Variants in GOLGA8B observed in about 807,000 individuals in gnomAD.
The protein encoded by GOLGA8B is golgin A8 family member B, also known as golgin subfamily A member 8B.
GOLGA8B carries 1 observed loss-of-function variant against 15.6 expected under a neutral mutation model. That is an observed-to-expected ratio of 0.06 (90% confidence interval 0.02 to 0.30). The LOEUF (loss-of-function observed/expected upper bound fraction) is 0.30. Ranked by LOEUF, GOLGA8B falls within the 10% of genes least tolerant of loss-of-function variation. GOLGA8B has a pLI of 1.00. For synonymous variants in GOLGA8B, 9 were observed against 80.3 expected (o/e 0.11, Z 4.75); for missense variants, 17 against 201.3 (o/e 0.08, Z 5.54).
intron 4 of GOLGA8B, among the ~76,000 whole-genome samples, chr15:34,549,127 C>T (rs1234439992): frequency 4.6e-5 from 2 of 43,284 alleles, no homozygotes; most frequent in Non-Finnish European, 9.4e-5. Context: ...AAAAATCAAG[C>T]AAGAGTTCAC....
intron 1 of GOLGA8B, among the ~76,000 whole-genome samples, chr15:34,572,149 C>G (rs1026658905): frequency 3.9e-5 from 6 of 152,224 alleles, no homozygotes; most frequent in African/African-American, 1.4e-4. Flanking sequence ...AAAGACTGAT[C>G]ATGTCCAGAG....
chr15:34,554,443 T>C (rs1261686368), intron 1 of GOLGA8B, among the ~76,000 whole-genome samples: 3 of 128,716 alleles, frequency 2.3e-5, no homozygotes, highest in East Asian at 5.1e-4. Flanking sequence ...CCACACACAT[T>C]ACACACACTG....
At chr15:34,580,407 C>T (rs1889197211) in intron 1 of GOLGA8B, among the ~76,000 whole-genome samples, 1 of 152,194 alleles carries the variant, frequency 6.6e-6, no homozygotes, top group Admixed American at 6.5e-5. Context: ...GGCCAACTTG[C>T]ACAGCCCAAC....
intron 1 of GOLGA8B, among the ~76,000 whole-genome samples, chr15:34,573,536 CAAAAAAAA>C (rs60984933): frequency 0.27 from 23,498 of 86,840 alleles, 2,186 homozygotes; most frequent in South Asian, 0.42. Context: ...GACTCCGTCT[CAAAAAAAA>C]AAAAAAAAAA....
At chr15:34,564,355 T>TAAAAA (rs58970262) in intron 1 of GOLGA8B, among the ~76,000 whole-genome samples, 2 of 105,486 alleles carry the variant, frequency 1.9e-5, no homozygotes, top group Non-Finnish European at 4.0e-5. Context: ...TGTAGATTCT[T>TAAAAA]AAAAAAAAAA....
rs969513662 is a variant in GOLGA8B, at chr15:34,566,688, C to T, written c.-1122-12732G>A. 1.5e-4 allele frequency among the ~76,000 whole-genome samples: 22 copies of T among 144,892 alleles called. 1 individual carries two copies. Among genetic ancestry groups the T allele is most frequent in the African/African-American group, 4.3e-4 (17 of 39,740 alleles). On this transcript the variant is annotated intron_variant, in intron 1 of 23. Coordinates refer to ENST00000683415, the MANE Select transcript of GOLGA8B (RefSeq NM_001023567.5). ...AGCACAAGCAGCTCAGGGCCAGCGG[C>T]GCAGGAAAACCCCAGGGTCCAGCCA...
intron 1 of GOLGA8B, chr15:34,566,460 G>A (rs1298480817): frequency 7.0e-6 from 1 of 143,056 alleles, no homozygotes; most frequent in Non-Finnish European, 1.6e-5. Flanking sequence ...TTCCTCCATC[G>A]GGTAACCACG....
chr15:34,526,935 G>A lies in GOLGA8B; in HGVS notation c.*697C>T, dbSNP rs1248707737. The stretch of plus-strand genomic sequence containing the variant: ...AGTACAGTGCTCATTCTTGGCACCG[G>A]AACAGATGAAACACACTGTATCCTG... On this transcript the variant is annotated 3_prime_UTR_variant, in exon 24 of 24. Transcript: ENST00000683415. The A allele has an allele frequency of 1.8e-4, 27 of 153,556 alleles. 1 individual carries two copies. The highest frequency in any genetic ancestry group is 6.7e-4 in the African/African-American group (27 of 40,328). 9.5% of individuals were successfully genotyped at this position (153,556 alleles called of 1,614,324 possible).
At chr15:34,579,922 A>T (rs1280114003) in intron 1 of GOLGA8B, among the ~76,000 whole-genome samples, 1 of 152,224 alleles carries the variant, frequency 6.6e-6, no homozygotes, top group Non-Finnish European at 1.5e-5. Flanking sequence ...CAAGTACATA[A>T]ATAACACACT....
chr15:34,578,212 T>C (rs1889134643), intron 1 of GOLGA8B, among the ~76,000 whole-genome samples: 1 of 152,332 alleles, frequency 6.6e-6, no homozygotes, highest in African/African-American at 2.4e-5. Flanking sequence ...TAAGAATCCA[T>C]GTTGGCTTCA....
chr15:34,550,931 G>A (rs1339663473), intron 4 of GOLGA8B, among the ~76,000 whole-genome samples: 1 of 95,736 alleles, frequency 1.0e-5, no homozygotes, highest in Non-Finnish European at 2.1e-5. Context: ...GGAGATCAAG[G>A]CTTCAGTGAA....
At position 34,526,708 on chromosome 15, in the gene GOLGA8B, G is replaced by T. The variant is rs978600833; in HGVS notation, c.*924C>A. On this transcript the variant is annotated 3_prime_UTR_variant, in exon 24 of 24. Coordinates refer to ENST00000683415, the MANE Select transcript of GOLGA8B (RefSeq NM_001023567.5). The stretch of plus-strand genomic sequence containing the variant: ...GTCATGTGATTAAAACAGGGAACAC[G>T]AACTCTGACTTTAAAATGTATTGTA... The T allele has an allele frequency of 6.7e-6, 1 of 149,396 alleles. No individual in the cohort carries two copies. The highest frequency in any genetic ancestry group is 2.5e-5 in the African/African-American group (1 of 40,456). 9.3% of individuals were successfully genotyped at this position (149,396 alleles called of 1,614,324 possible).
At chr15:34,559,113 G>A (rs1342684958) in intron 1 of GOLGA8B, among the ~76,000 whole-genome samples, 1 of 140,292 alleles carries the variant, frequency 7.1e-6, no homozygotes, top group Non-Finnish European at 1.5e-5. Context: ...TTCTGACACA[G>A]GCTACAATAT....
Position 34,571,614 on chromosome 15 carries a change from AT to A in GOLGA8B, c.-1123+11901del, listed in dbSNP as rs1198498798. 1.4e-4 allele frequency among the ~76,000 whole-genome samples: 17 copies of A among 124,140 alleles called. No homozygotes were observed. In the East Asian group the frequency reaches 2.5e-3, roughly 19 times the overall value. 81.4% of individuals were successfully genotyped at this position (124,140 alleles called of 152,430 possible). On this transcript the variant is annotated intron_variant, in intron 1 of 23. Coordinates refer to ENST00000683415, the MANE Select transcript of GOLGA8B (RefSeq NM_001023567.5). Reference sequence around the variant, plus strand: ...GACTAGGAAATTAGGTTGGAATCGTATAAAAAAAAAAAAAACTACATCCACA... The same window carrying A: ...GACTAGGAAATTAGGTTGGAATCGTAAAAAAAAAAAAAAACTACATCCACA...
At chr15:34,563,870 T>C (rs1294482480) in intron 1 of GOLGA8B, among the ~76,000 whole-genome samples, 1 of 143,928 alleles carries the variant, frequency 6.9e-6, no homozygotes, top group Non-Finnish European at 1.6e-5. Flanking sequence ...CATATGGTAG[T>C]GTTTTATTTT....
At chr15:34,576,787 C>T (rs1889094522) in intron 1 of GOLGA8B, among the ~76,000 whole-genome samples, 1 of 152,202 alleles carries the variant, frequency 6.6e-6, no homozygotes, top group Admixed American at 6.5e-5. Context: ...ACTCAGCTGA[C>T]AGCTTTCACG....
rs531087270 is a variant in GOLGA8B, at chr15:34,525,712, A to C, written c.*1920T>G. 1.3e-5 allele frequency: 2 copies of C among 149,898 alleles called. No individual in the cohort carries two copies. The highest frequency in any genetic ancestry group is 6.8e-5 in the Admixed American group (1 of 14,766). 9.3% of individuals were successfully genotyped at this position (149,898 alleles called of 1,614,324 possible). A position where few individuals can be genotyped will look rare whatever the true frequency, so the allele number is the denominator to read the frequency against. On this transcript the variant is annotated 3_prime_UTR_variant, in exon 24 of 24. Coordinates refer to ENST00000683415, the MANE Select transcript of GOLGA8B (RefSeq NM_001023567.5). The stretch of plus-strand genomic sequence containing the variant: ...ACTGGGTTTATCTAATACATTGATA[A>C]ATTCATACAATTCGGAAGAGTCAGT...
intron 4 of GOLGA8B, among the ~76,000 whole-genome samples, chr15:34,548,210 ATAAGT>A (rs1290508433): frequency 4.0e-5 from 6 of 149,946 alleles, no homozygotes; most frequent in Non-Finnish European, 8.9e-5. Context: ...ACCTTAAAAG[ATAAGT>A]TAAGCAAAGT....
At chr15:34,581,947 G>A (rs138603742) in intron 1 of GOLGA8B, among the ~76,000 whole-genome samples, 3 of 152,106 alleles carry the variant, frequency 2.0e-5, no homozygotes, top group Non-Finnish European at 2.9e-5. Flanking sequence ...GAGGGCTGCC[G>A]GCACACAGCT....
Sources: allele counts gnomAD v4.1 joint callset (sites outside exome capture counted in the v4.1 genomes callset), GRCh38; gene constraint gnomAD v4.1.1; transcripts MANE v1.5; gene names NCBI Gene and HGNC (gene_info 2026-07-23, HGNC 2026-07-21).